KCNIP4: variants seen among roughly 807,000 people sequenced by gnomAD.
KCNIP4 encodes the protein Kv channel-interacting protein 4.
In KCNIP4, 12 loss-of-function variants were observed where a neutral mutation model predicts 34.0. That is an observed-to-expected ratio of 0.35 (90% CI 0.23 to 0.57). The LOEUF (loss-of-function observed/expected upper bound fraction) is 0.57, where lower values mean the gene tolerates loss of function less well. Among genes scored for constraint, KCNIP4 ranks in the 20% least tolerant of loss-of-function variants. The pLI is 0.83. For synonymous variants in KCNIP4, 124 were observed against 102.2 expected (o/e 1.21, Z -1.29); for missense variants, 238 against 311.7 (o/e 0.76, Z 1.78).
intron 2 of KCNIP4, among the ~76,000 whole-genome samples, chr4:20,864,942 C>T (rs778357321): frequency 2.6e-5 from 4 of 151,956 alleles, no homozygotes; most frequent in Non-Finnish European, 5.9e-5. Context: ...TAGTAAGCTT[C>T]CGATTCCACA....
At chr4:21,402,213 C>T (rs1271799660) in intron 1 of KCNIP4, among the ~76,000 whole-genome samples, 1 of 152,202 alleles carries the variant, frequency 6.6e-6, no homozygotes, top group Non-Finnish European at 1.5e-5. Flanking sequence ...GCATGTACTT[C>T]AATTTCCCCA....
intron 1 of KCNIP4, among the ~76,000 whole-genome samples, chr4:21,287,286 T>C (rs1285794444): frequency 6.6e-6 from 1 of 152,160 alleles, no homozygotes; most frequent in African/African-American, 2.4e-5. Flanking sequence ...TTTACATGAA[T>C]AAAGAATAAT....
At chr4:21,901,214 G>C (rs1727686113) in intron 1 of KCNIP4, among the ~76,000 whole-genome samples, 1 of 152,202 alleles carries the variant, frequency 6.6e-6, no homozygotes, top group Non-Finnish European at 1.5e-5. Flanking sequence ...AAGTGAGGGG[G>C]TGGGAGTAGT....
chr4:21,221,803 T>G (rs1343556405), intron 1 of KCNIP4, among the ~76,000 whole-genome samples: 1 of 152,142 alleles, frequency 6.6e-6, no homozygotes, highest in Admixed American at 6.6e-5. Context: ...GGAAAAGGGC[T>G]CAGAGAAATA....
intron 1 of KCNIP4, among the ~76,000 whole-genome samples, chr4:20,956,690 C>A (rs1053307839): frequency 2.0e-5 from 3 of 152,058 alleles, no homozygotes; most frequent in East Asian, 3.9e-4. Context: ...TATTCTAAAT[C>A]TTTTTATGAT....
At chr4:21,829,199 T>C (rs1722837862) in intron 1 of KCNIP4, among the ~76,000 whole-genome samples, 2 of 152,006 alleles carry the variant, frequency 1.3e-5, no homozygotes, top group South Asian at 4.1e-4. Flanking sequence ...CATAACCCCA[T>C]CACAAGACAA....
chr4:21,489,384 AG>A (rs1732184635), intron 1 of KCNIP4, among the ~76,000 whole-genome samples: 1 of 151,618 alleles, frequency 6.6e-6, no homozygotes, highest in African/African-American at 2.4e-5. Flanking sequence ...AATAGGAAGT[AG>A]GGCCTTGCCA....
intron 5 of KCNIP4, among the ~76,000 whole-genome samples, chr4:20,738,175 T>G (rs1185097290): frequency 6.6e-6 from 1 of 151,854 alleles, no homozygotes; most frequent in Admixed American, 6.6e-5. Context: ...GCATAAAATA[T>G]ACATTGCAGA....
chr4:21,494,889 T>C (rs1008591327), intron 1 of KCNIP4, among the ~76,000 whole-genome samples: 4 of 152,158 alleles, frequency 2.6e-5, no homozygotes, highest in African/African-American at 9.7e-5. Flanking sequence ...AATTAATTTA[T>C]AATTAATCAC....
At chr4:21,342,971 A>AT (rs912479468) in intron 1 of KCNIP4, among the ~76,000 whole-genome samples, 7 of 150,546 alleles carry the variant, frequency 4.6e-5, no homozygotes, top group East Asian at 2.0e-4. Flanking sequence ...AAAACTGTTC[A>AT]TTTTTTTTTC....
At chr4:20,778,033 C>T (rs1036690063) in intron 3 of KCNIP4, among the ~76,000 whole-genome samples, 2 of 152,058 alleles carry the variant, frequency 1.3e-5, no homozygotes, top group East Asian at 1.9e-4. Context: ...AAGGAGAAGC[C>T]GTAGATTATA....
intron 1 of KCNIP4, among the ~76,000 whole-genome samples, chr4:21,348,233 A>G (rs1240970070): frequency 6.6e-6 from 1 of 152,158 alleles, no homozygotes; most frequent in Non-Finnish European, 1.5e-5. Context: ...ATAACTGAGA[A>G]GATATATTAT....
chr4:21,762,029 T>A (rs1351945668), intron 1 of KCNIP4, among the ~76,000 whole-genome samples: 3 of 152,156 alleles, frequency 2.0e-5, no homozygotes, highest in Non-Finnish European at 4.4e-5. Flanking sequence ...ATCCCCAATA[T>A]GACTAGTGGA....
At chr4:20,908,722 A>G (rs1325403744) in intron 1 of KCNIP4, among the ~76,000 whole-genome samples, 3 of 152,176 alleles carry the variant, frequency 2.0e-5, no homozygotes, top group Non-Finnish European at 4.4e-5. Context: ...TAGTTGTAAT[A>G]GCTGTTATTT....
chr4:21,856,462 G>T (rs1724761055), intron 1 of KCNIP4, among the ~76,000 whole-genome samples: 1 of 152,172 alleles, frequency 6.6e-6, no homozygotes, highest in Non-Finnish European at 1.5e-5. Flanking sequence ...GAGAGGACTG[G>T]CCGGGGCTGC....
At chr4:21,318,511 G>A (rs536866309) in intron 1 of KCNIP4, among the ~76,000 whole-genome samples, 1 of 152,116 alleles carries the variant, frequency 6.6e-6, no homozygotes, top group African/African-American at 2.4e-5. Flanking sequence ...ATTTTGAAAA[G>A]GTCATTTTTC....
At chr4:21,716,283 C>T (rs1034443664) in intron 1 of KCNIP4, among the ~76,000 whole-genome samples, 1 of 152,068 alleles carries the variant, frequency 6.6e-6, no homozygotes, top group African/African-American at 2.4e-5. Context: ...GTCTCCCAGG[C>T]TGGAGTGCAA....
intron 1 of KCNIP4, among the ~76,000 whole-genome samples, chr4:21,070,224 T>C (rs1486505509): frequency 6.6e-6 from 1 of 152,172 alleles, no homozygotes; most frequent in Non-Finnish European, 1.5e-5. Flanking sequence ...CCAGAGTTTG[T>C]TTAACTGCTC....
At chr4:21,501,274 A>ACG (rs1733317837) in intron 1 of KCNIP4, among the ~76,000 whole-genome samples, 1 of 148,364 alleles carries the variant, frequency 6.7e-6, no homozygotes, top group Admixed American at 6.7e-5. Flanking sequence ...ACACACACAC[A>ACG]TGCCATGTCC....
Sources: allele counts gnomAD v4.1 joint callset (sites outside exome capture counted in the v4.1 genomes callset), GRCh38; gene constraint gnomAD v4.1.1; transcripts MANE v1.5; gene names NCBI Gene and HGNC (gene_info 2026-07-23, HGNC 2026-07-21).